The following ALX3 variants were observed in gnomAD, a reference collection of about 807,000 sequenced individuals.
ALX3 encodes homeobox protein aristaless-like 3.
Under a neutral mutation model 26.3 loss-of-function variants are expected in ALX3, and 17 were observed. The observed-to-expected ratio is 0.65, with a 90% confidence interval of 0.44 to 0.97. The LOEUF (loss-of-function observed/expected upper bound fraction) is 0.97, where lower values mean the gene tolerates loss of function less well. ALX3 is among the 50% of genes least tolerant of loss of function. The pLI, the probability that ALX3 is intolerant of heterozygous loss-of-function variation, is 0.00. For missense variants in ALX3, 461 were observed against 466.5 expected, an observed-to-expected ratio of 0.99 and a Z score of 0.11; for synonymous variants, 208 against 201.4, an observed-to-expected ratio of 1.03 and a Z score of -0.28.
At chr1:110,065,012 T>A in intron 1 of ALX3, 109 bp from the exon 2 acceptor site, 2 of 1,139,972 alleles carry the variant, frequency 1.8e-6, no homozygotes, top group Non-Finnish European at 2.4e-6. Context: ...GCCTCCCCCT[T>A]CCTTTCCCTT....
chr1:110,067,744 G>A (rs909206266), intron 1 of ALX3, among the ~76,000 whole-genome samples: 2 of 152,222 alleles, frequency 1.3e-5, no homozygotes, highest in African/African-American at 4.8e-5. Context: ...TGCAGAACTC[G>A]CTGAGGCCCA....
intron 2 of ALX3, chr1:110,062,642 TGTG>T (rs768304739): frequency 0.36 from 2,340 of 6,520 alleles, 44 homozygotes; most frequent in South Asian, 0.41. Context: ...TGTGTGTGTG[TGTG>T]GAGTAATCCG....
intron 3 of ALX3, 137 bp downstream of exon 3, chr1:110,061,298 G>T (rs1297394180): frequency 1.5e-6 from 2 of 1,365,128 alleles, no homozygotes; most frequent in East Asian, 2.4e-5. Context: ...AAGAGCCCCG[G>T]TTTGCAGAGA....
chr1:110,069,279 C>T (rs1653863263), intron 1 of ALX3, among the ~76,000 whole-genome samples: 1 of 152,252 alleles, frequency 6.6e-6, no homozygotes, highest in Admixed American at 6.5e-5. Context: ...GGGCGAAAGC[C>T]GGAGATGCCC....
intron 1 of ALX3, among the ~76,000 whole-genome samples, chr1:110,066,213 C>T (rs1172076630): frequency 6.6e-6 from 1 of 152,180 alleles, no homozygotes; most frequent in Admixed American, 6.5e-5. Flanking sequence ...CAGGGTCCTC[C>T]TCAGCTGGAA....
intron 2 of ALX3, chr1:110,062,645 G>GTGTGTGTGCGCGCGCGCGCGC (rs57279963): frequency 7.6e-6 from 1 of 132,298 alleles, no homozygotes; most frequent in African/African-American, 2.8e-5. Context: ...GTGTGTGTGT[G>GTGTGTGTGCGCGCGCGCGCGC]GAGTAATCCG....
At chr1:110,062,645 G>GTGTGT (rs57279963) in intron 2 of ALX3, 2,908 of 132,312 alleles carry the variant, frequency 0.022, 91 homozygotes, top group Middle Eastern at 0.057. Context: ...GTGTGTGTGT[G>GTGTGT]GAGTAATCCG....
chr1:110,060,592 G>A lies in ALX3; in HGVS notation c.*141C>T, dbSNP rs12042664. On this transcript the variant is annotated 3_prime_UTR_variant, in exon 4 of 4. Transcript: ENST00000647563. ...GTTCTAAGAGAAAAGACCCTGTAAC[G>A]TGTTCCCTGCTGGGGGCTGACAGTG... 20 of 649,960 alleles carry A rather than the reference G, an allele frequency of 3.1e-5. 1 individual carries two copies. In the South Asian group the frequency reaches 3.6e-4, roughly 12 times the overall value. 40.3% of individuals were successfully genotyped at this position (649,960 alleles called of 1,614,324 possible). A position where few individuals can be genotyped will look rare whatever the true frequency, so the allele number is the denominator to read the frequency against.
At position 110,070,336 on chromosome 1, in the gene ALX3, C is replaced by G; in HGVS notation, c.277G>C (p.Ala93Pro). 2.3e-6 allele frequency: 3 copies of G among 1,292,368 alleles called. No individual in the cohort carries two copies. Among genetic ancestry groups the G allele is most frequent in the Non-Finnish European group, 2.9e-6 (3 of 1,019,278 alleles). 80.1% of individuals were successfully genotyped at this position (1,292,368 alleles called of 1,614,324 possible). A position where few individuals can be genotyped will look rare whatever the true frequency, so the allele number is the denominator to read the frequency against. Reference protein sequence around the residue: ...GGHFYEGPAEAEEKTSKAASF... With the variant: ...GGHFYEGPAEPEEKTSKAASF... Reference sequence around the variant, plus strand: ...CGCTACGCCCCGCGCCGCGCGTTACCTTCCGCGGGGCCCTCGTAGAAGTGG... The same window carrying G: ...CGCTACGCCCCGCGCCGCGCGTTACGTTCCGCGGGGCCCTCGTAGAAGTGG... Residue 93 changes from alanine (A) to proline (P), a missense_variant and splice_region_variant, in exon 1 of 4, where the codon GCT (alanine) becomes CCT (proline). Ala to Pro is a conservative substitution (Grantham distance 27). Around this residue, in one of 3 missense-constraint regions of ALX3, gnomAD observed 241 missense variants for 206.1 expected, o/e 1.17. Transcript: ENST00000647563.
At chr1:110,067,361 ATGT>A (rs1413795894) in intron 1 of ALX3, among the ~76,000 whole-genome samples, 2 of 152,226 alleles carry the variant, frequency 1.3e-5, no homozygotes, top group Non-Finnish European at 2.9e-5. Flanking sequence ...CGGGGTACTC[ATGT>A]TGGAGACAGC....
At chr1:110,068,521 T>C (rs1248019587) in intron 1 of ALX3, among the ~76,000 whole-genome samples, 1 of 152,260 alleles carries the variant, frequency 6.6e-6, no homozygotes, top group African/African-American at 2.4e-5. Flanking sequence ...TGGCCTGTCC[T>C]CCGTTCAACT....
Position 110,070,451 on chromosome 1 carries a change from G to A in ALX3, c.162C>T (p.Cys54=), listed in dbSNP as rs1454689472. The A allele has an allele frequency of 4.8e-6, 6 of 1,255,744 alleles. No homozygotes were observed. The highest frequency in any genetic ancestry group is 6.0e-6 in the Non-Finnish European group (6 of 1,001,162). 77.8% of individuals were successfully genotyped at this position (1,255,744 alleles called of 1,614,324 possible). A position where few individuals can be genotyped will look rare whatever the true frequency, so the allele number is the denominator to read the frequency against. ...CTGGGAGGTAGGGCTCCAGGGGCCCGCAGGCCGGAAAGCGGGTCAGCCGCG... is the reference window on the plus strand; with the variant it reads ...CTGGGAGGTAGGGCTCCAGGGGCCCACAGGCCGGAAAGCGGGTCAGCCGCG... The part of the protein sequence containing the change: ...RGPRLTRFPA[C]GPLEPYLPEP... Residue 54 remains cysteine, a synonymous_variant, in exon 1 of 4, where the codon TGC becomes TGT. Coordinates refer to ENST00000647563, the MANE Select transcript of ALX3 (RefSeq NM_006492.3).
intron 1 of ALX3, among the ~76,000 whole-genome samples, chr1:110,069,141 A>G (rs1348301826): frequency 6.6e-6 from 1 of 152,174 alleles, no homozygotes; most frequent in Non-Finnish European, 1.5e-5. Flanking sequence ...TTAAGTCCCA[A>G]CTGTGGTTTT....
chr1:110,063,072 T>C (rs556125836), intron 2 of ALX3, among the ~76,000 whole-genome samples: 234 of 152,198 alleles, frequency 1.5e-3, no homozygotes, highest in African/African-American at 5.5e-3. Context: ...GAGAAAACAT[T>C]CCTACTCCAG....
chr1:110,061,581 G>C lies in ALX3; in HGVS notation c.595-18C>G. The stretch of plus-strand genomic sequence containing the variant: ...AACCAGACCTGGGGGCAGGTTGTGG[G>C]GGTTTGAGGGGGTGATAGGGCAGCC... On this transcript the variant is annotated intron_variant, in intron 2 of 3. Transcript: ENST00000647563. 6.2e-7 allele frequency: 1 copy of C among 1,613,962 alleles called. No homozygotes were observed. Among genetic ancestry groups the C allele is most frequent in the Non-Finnish European group, 8.5e-7 (1 of 1,180,020 alleles).
intron 1 of ALX3, among the ~76,000 whole-genome samples, chr1:110,065,611 C>T (rs1653761844): frequency 6.6e-6 from 1 of 152,214 alleles, no homozygotes; most frequent in Non-Finnish European, 1.5e-5. Context: ...CTGAGATAGG[C>T]TGTGCTCAAA....
rs1653631353 is a variant in ALX3, at chr1:110,061,145, G to A, written c.724-104C>T. 26 of 1,342,150 alleles carry A rather than the reference G, an allele frequency of 1.9e-5. 1 individual carries two copies. Among genetic ancestry groups the A allele is most frequent in the Middle Eastern group, 2.5e-4 (1 of 3,966 alleles). The allele number at this position is 1,342,150 out of a possible 1,614,324, so 83.1% of individuals were successfully genotyped here. ...CCTTGGGGCCCCAGAAACTTTCCAGGAAACCTCCACTTGGCTCAGATCTAC... is the reference window on the plus strand; with the variant it reads ...CCTTGGGGCCCCAGAAACTTTCCAGAAAACCTCCACTTGGCTCAGATCTAC... On this transcript the variant is annotated intron_variant, in intron 3 of 3. Transcript: ENST00000647563.
chr1:110,064,615 C>T lies in ALX3; in HGVS notation c.566G>A (p.Arg189His), dbSNP rs199983753. Residue 189 changes from arginine (R) to histidine (H), a missense_variant, in exon 2 of 4, where the codon CGC (arginine) becomes CAC (histidine). Coordinates refer to ENST00000647563, the MANE Select transcript of ALX3 (RefSeq NM_006492.3). Reference sequence around the variant, plus strand: ...TACCCGGGCCTCAGTCAGGTCTGTGCGCAGGGCCAGCTGCTCCCGGGCATA... The same window carrying T: ...TACCCGGGCCTCAGTCAGGTCTGTGTGCAGGGCCAGCTGCTCCCGGGCATA... The part of the protein sequence containing the change: ...DVYAREQLAL[R>H]TDLTEARVQV... The T allele has an allele frequency of 2.5e-4, 409 of 1,614,118 alleles. 2 individuals are homozygous for T. In the South Asian group the frequency reaches 3.6e-3, roughly 14 times the overall value.
Position 110,060,242 on chromosome 1 carries a change from TG to T in ALX3, c.*490del, listed in dbSNP as rs1185310542. The stretch of plus-strand genomic sequence containing the variant: ...ACCTTGGCCTTTACACCCTCCTTAG[TG>T]TCAGACACCAGTGCGCCCCCTGCTG... On this transcript the variant is annotated 3_prime_UTR_variant, in exon 4 of 4. Coordinates refer to ENST00000647563, the MANE Select transcript of ALX3 (RefSeq NM_006492.3). The T allele has an allele frequency of 6.6e-6, 1 of 152,582 alleles. No individual in the cohort carries two copies. Among genetic ancestry groups the T allele is most frequent in the Non-Finnish European group, 1.5e-5 (1 of 68,360 alleles). The allele number at this position is 152,582 out of a possible 1,614,324, so 9.5% of individuals were successfully genotyped here. A position where few individuals can be genotyped will look rare whatever the true frequency, so the allele number is the denominator to read the frequency against.
Sources: gnomAD v4.1 joint callset for allele counts (sites outside exome capture counted in the v4.1 genomes callset) on GRCh38, gnomAD v4.1.1 for gene constraint, gnomAD v4.1.1 regional missense constraint, MANE v1.5 for transcripts, NCBI Gene and HGNC (gene_info 2026-07-23, HGNC 2026-07-21) for gene names.